Variants in ITGB2 observed in about 807,000 individuals in gnomAD.
ITGB2 encodes the protein integrin subunit beta 2.
A neutral mutation model predicts 86.8 loss-of-function variants in ITGB2; 56 were observed. The ratio of observed to expected loss-of-function variants is 0.65; its 90% CI spans 0.52 to 0.81. ITGB2 has a LOEUF of 0.81. Among genes scored for constraint, ITGB2 ranks in the 30% least tolerant of loss-of-function variants. The pLI, the probability that ITGB2 is intolerant of heterozygous loss-of-function variation, is 0.00. For missense variants in ITGB2, 948 were observed against 1,061.2 expected (o/e 0.89, Z 1.48); for synonymous variants, 457 against 450.4 (o/e 1.01, Z -0.19).
intron 13 of ITGB2, 38 bp from the exon 14 acceptor site, chr21:44,888,933 TGCGGGGGCTCCGGCA>T: frequency 6.4e-7 from 1 of 1,553,804 alleles, no homozygotes; most frequent in Non-Finnish European, 8.7e-7. Context: ...TGCCAGGGTG[TGCGGGGGCTCCGGCA>T]ACGGGGGCTC....
intron 1 of ITGB2, among the ~76,000 whole-genome samples, chr21:44,918,148 C>A (rs768928879): frequency 6.6e-6 from 1 of 152,248 alleles, no homozygotes; most frequent in African/African-American, 2.4e-5. Flanking sequence ...GGCTTCCCAG[C>A]GACCTGGCCT....
intron 8 of ITGB2, among the ~76,000 whole-genome samples, chr21:44,895,999 G>A (rs562387618): frequency 3.3e-5 from 5 of 152,314 alleles, no homozygotes; most frequent in African/African-American, 4.8e-5. Context: ...GCCCGTGTGA[G>A]TCCTCCTGCC....
chr21:44,887,034 C>T (rs1213440305), intron 14 of ITGB2, 132 bp from the exon 15 acceptor site: 2 of 1,085,594 alleles, frequency 1.8e-6, no homozygotes, highest in East Asian at 2.6e-5. Flanking sequence ...GCTCACCATC[C>T]ATCACCATGG....
chr21:44,898,952 T>C, intron 8 of ITGB2, 115 bp downstream of exon 8: 1 of 858,050 alleles, frequency 1.2e-6, no homozygotes, highest in Non-Finnish European at 1.9e-6. Context: ...GGCCGGCTGG[T>C]TGCTCACGTG....
chr21:44,907,455 C>G (rs565679324), intron 3 of ITGB2, among the ~76,000 whole-genome samples: 1 of 152,364 alleles, frequency 6.6e-6, no homozygotes, highest in East Asian at 1.9e-4. Context: ...GAACCTTTGT[C>G]CAAGGGAGTT....
chr21:44,924,102 A>C (rs1233566361), upstream of ITGB2, among the ~76,000 whole-genome samples: 2 of 152,124 alleles, frequency 1.3e-5, no homozygotes, highest in East Asian at 3.8e-4. Context: ...CACAGCCCCA[A>C]ACAGCAAATA....
At chr21:44,922,663 A>T (rs368252052), upstream of ITGB2, among the ~76,000 whole-genome samples, 4 of 149,272 alleles carry the variant, frequency 2.7e-5, no homozygotes, top group African/African-American at 1.0e-4. Context: ...ACTGAGAAAA[A>T]AAAAAAAAAA....
At position 44,903,477 on chromosome 21, in the gene ITGB2, C is replaced by T; in HGVS notation, c.387G>A (p.Leu129=). 2 of 1,614,124 alleles carry T rather than the reference C, an allele frequency of 1.2e-6. No homozygotes were observed. Among genetic ancestry groups the T allele is most frequent in the Non-Finnish European group, 1.7e-6 (2 of 1,179,988 alleles). The part of the protein sequence containing the change: ...FRRAKGYPID[L]YYLMDLSYSM... Reference sequence around the variant, plus strand: ...AGTAGGAGAGGTCCATCAGATAGTACAGGTCGATGGGGTAGCCCTTGGCCC... The same window carrying T: ...AGTAGGAGAGGTCCATCAGATAGTATAGGTCGATGGGGTAGCCCTTGGCCC... Residue 129 remains leucine, a synonymous_variant, in exon 5 of 16, where the codon CTG becomes CTA. Transcript: ENST00000652462.
intron 1 of ITGB2, chr21:44,914,107 T>A (rs2084169491): frequency 6.6e-6 from 1 of 152,250 alleles, no homozygotes; most frequent in South Asian, 2.1e-4. Context: ...TCCAAGGCCC[T>A]CCCTGCTGCC....
rs144145184 is a variant in ITGB2, at chr21:44,926,643, T to C, written c.-4+2011A>G. On this transcript the variant is annotated intron_variant, in intron 1 of 15. Transcript: ENST00000355153. ...AGTCAGGTGGGCGAAACTGGCCGCATGTCTGGGTACAACTGCTCAGGGTTT... is the reference window on the plus strand; with the variant it reads ...AGTCAGGTGGGCGAAACTGGCCGCACGTCTGGGTACAACTGCTCAGGGTTT... Among the ~76,000 whole-genome samples the C allele has an allele frequency of 3.2e-4, 48 of 152,334 alleles. No individual in the cohort carries two copies. In the East Asian group the frequency reaches 8.5e-3, roughly 27 times the overall value.
chr21:44,918,340 C>T lies in ITGB2; in HGVS notation c.-4+2481G>A, dbSNP rs146341989. Among the ~76,000 whole-genome samples, 469 of 152,376 alleles carry T rather than the reference C, an allele frequency of 3.1e-3. 8 individuals are homozygous for T. In the East Asian group the frequency reaches 0.056, roughly 18 times the overall value. ...TTCCATGGAATCGCCACAGGCGTCA[C>T]GCTGCCCCATCCACAGAGGCAAATG... On this transcript the variant is annotated intron_variant, in intron 1 of 15. Transcript: ENST00000652462.
intron 8 of ITGB2, among the ~76,000 whole-genome samples, chr21:44,898,473 C>T (rs905417039): frequency 2.6e-4 from 40 of 152,216 alleles, no homozygotes; most frequent in African/African-American, 8.9e-4. Context: ...CAAGTCCTTC[C>T]GGCAAATCAC....
At chr21:44,916,344 A>C (rs1476910770) in intron 1 of ITGB2, among the ~76,000 whole-genome samples, 1 of 151,768 alleles carries the variant, frequency 6.6e-6, no homozygotes, top group Non-Finnish European at 1.5e-5. Context: ...CCTGAAGTCA[A>C]AGGGAAATCA....
chr21:44,915,149 G>A (rs2084187976), intron 1 of ITGB2, among the ~76,000 whole-genome samples: 1 of 152,060 alleles, frequency 6.6e-6, no homozygotes, highest in Admixed American at 6.6e-5. Context: ...TCAGCTTCCT[G>A]AGTAGCTGGG....
At chr21:44,924,991 A>G (rs76905515), upstream of ITGB2, among the ~76,000 whole-genome samples, 4 of 152,280 alleles carry the variant, frequency 2.6e-5, no homozygotes, top group South Asian at 6.2e-4. Context: ...TCAAAGTTCT[A>G]TTGTAGAGTT....
At position 44,906,835 on chromosome 21, in the gene ITGB2, C is replaced by G. The variant is rs542519143; in HGVS notation, c.328+80G>C. On this transcript the variant is annotated intron_variant, in intron 4 of 15. Transcript: ENST00000652462. Reference sequence around the variant, plus strand: ...ATGCCTTCTGGGCAGCCCTGACACCCCAGAGCAGGGCCGGACTCCCAGCCA... The same window carrying G: ...ATGCCTTCTGGGCAGCCCTGACACCGCAGAGCAGGGCCGGACTCCCAGCCA... 5.4e-6 allele frequency: 8 copies of G among 1,494,728 alleles called. No individual in the cohort carries two copies. In the Admixed American group the frequency reaches 8.5e-5, roughly 16 times the overall value. 92.6% of individuals were successfully genotyped at this position (1,494,728 alleles called of 1,614,324 possible).
chr21:44,904,310 ACG>A (rs1491057242), intron 4 of ITGB2, among the ~76,000 whole-genome samples: 49 of 151,676 alleles, frequency 3.2e-4, no homozygotes, highest in Non-Finnish European at 5.9e-4. Context: ...ACACACACAC[ACG>A]CACTCCTACA....
In ITGB2 at chr21:44,903,632, C is replaced by G; in HGVS notation, c.329-97G>C. Reference sequence around the variant, plus strand: ...CGAGCGGGCTGTGCACTGGCACCCTCTCCTCCAGCCCCCAAATCCTCCTGA... The same window carrying G: ...CGAGCGGGCTGTGCACTGGCACCCTGTCCTCCAGCCCCCAAATCCTCCTGA... On this transcript the variant is annotated intron_variant, in intron 4 of 15. Transcript: ENST00000652462. The G allele has an allele frequency of 4.2e-6, 6 of 1,422,838 alleles. No homozygotes were observed. In the South Asian group the frequency reaches 6.0e-5, roughly 14 times the overall value. 88.1% of individuals were successfully genotyped at this position (1,422,838 alleles called of 1,614,324 possible).
In ITGB2 at chr21:44,891,700, C is replaced by T. The variant is rs1197232075; in HGVS notation, c.1412+109G>A. 37 of 1,287,266 alleles carry T rather than the reference C, an allele frequency of 2.9e-5. No individual in the cohort carries two copies. In the South Asian group the frequency reaches 3.1e-4, roughly 11 times the overall value. 79.7% of individuals were successfully genotyped at this position (1,287,266 alleles called of 1,614,324 possible). On this transcript the variant is annotated intron_variant, in intron 11 of 15. Transcript: ENST00000652462. ...AAGGGGGCCCCCAGGATGCCTGCTC[C>T]GTGGGGTGGGGGAAGGGATGGAGCC...
Sources: allele counts gnomAD v4.1 joint callset (sites outside exome capture counted in the v4.1 genomes callset), GRCh38; gene constraint gnomAD v4.1.1; transcripts MANE v1.5; gene names NCBI Gene and HGNC (gene_info 2026-07-23, HGNC 2026-07-21).